CEP78: variants seen among roughly 807,000 people sequenced by gnomAD.
CEP78 encodes the protein centrosomal protein 78, also known as centrosomal protein of 78 kDa.
A neutral mutation model predicts 81.2 loss-of-function variants in CEP78; 76 were observed. That is an observed-to-expected ratio of 0.94 (90% CI 0.78 to 1.13). CEP78 has a LOEUF of 1.13. CEP78 is among the 50% of genes most tolerant of loss of function. The probability of loss-of-function intolerance (pLI) is 0.00; values close to 1 mark genes in which losing one functional copy is unlikely to be tolerated. For missense variants in CEP78, 918 were observed against 846.8 expected, an observed-to-expected ratio of 1.08 and a Z score of -1.04; for synonymous variants, 293 against 301.4, an observed-to-expected ratio of 0.97 and a Z score of 0.29.
At chr9:78,250,108 C>T in intron 8 of CEP78, 1 of 391,460 alleles carries the variant, frequency 2.6e-6, no homozygotes, top group Middle Eastern at 6.5e-4. Flanking sequence ...AATTGGACAT[C>T]ATTGAATGAG....
chr9:78,263,590 A>C (rs1309706340), intron 12 of CEP78, among the ~76,000 whole-genome samples: 1 of 152,162 alleles, frequency 6.6e-6, no homozygotes, highest in African/African-American at 2.4e-5. Flanking sequence ...GTATAAGGCA[A>C]AAGGTGCTTT....
intron 11 of CEP78, among the ~76,000 whole-genome samples, chr9:78,256,755 C>T (rs1206844610): frequency 6.6e-6 from 1 of 151,808 alleles, no homozygotes; most frequent in Non-Finnish European, 1.5e-5. Context: ...AAAAATATGT[C>T]CTGATAGGAC....
At chr9:78,257,383 G>T (rs1447934426) in intron 11 of CEP78, among the ~76,000 whole-genome samples, 1 of 152,128 alleles carries the variant, frequency 6.6e-6, no homozygotes, top group African/African-American at 2.4e-5. Flanking sequence ...GGACATTTTG[G>T]ACCTCCTGCG....
At chr9:78,246,631 A>G (rs1054616963) in intron 5 of CEP78, 38 bp from the exon 6 acceptor site, 6 of 1,310,332 alleles carry the variant, frequency 4.6e-6, no homozygotes, top group Admixed American at 4.2e-5. Flanking sequence ...AAAAATCTGT[A>G]TAGAATTAGC....
chr9:78,257,429 G>A (rs1275835543), intron 11 of CEP78, among the ~76,000 whole-genome samples: 4 of 152,050 alleles, frequency 2.6e-5, no homozygotes, highest in African/African-American at 9.7e-5. Context: ...ACATAGTCCC[G>A]CAAAATGAGG....
At chr9:78,250,063 T>C (rs890428770) in intron 8 of CEP78, 1 of 382,542 alleles carries the variant, frequency 2.6e-6, no homozygotes, top group Non-Finnish European at 4.6e-6. Context: ...TATAAAACAT[T>C]AGAAATTCTA....
At chr9:78,269,204 C>G (rs1827638235) in intron 16 of CEP78, among the ~76,000 whole-genome samples, 1 of 151,944 alleles carries the variant, frequency 6.6e-6, no homozygotes, top group Non-Finnish European at 1.5e-5. Flanking sequence ...CTTATTTTGG[C>G]AATTAAATAA....
intron 8 of CEP78, chr9:78,249,719 T>C (rs1433706368): frequency 6.6e-6 from 1 of 152,082 alleles, no homozygotes; most frequent in Non-Finnish European, 1.5e-5. Context: ...CTTTTTTTAC[T>C]GATAAGAATG....
intron 5 of CEP78, among the ~76,000 whole-genome samples, chr9:78,245,483 C>T (rs1301490500): frequency 6.6e-6 from 1 of 152,148 alleles, no homozygotes; most frequent in Non-Finnish European, 1.5e-5. Flanking sequence ...TCAAAGGCCC[C>T]AATTCCTAAT....
chr9:78,238,820 C>T (rs910248194), intron 1 of CEP78, among the ~76,000 whole-genome samples: 2 of 151,974 alleles, frequency 1.3e-5, no homozygotes, highest in Non-Finnish European at 2.9e-5. Context: ...TTTGGGAGGC[C>T]AGGAGTTTGT....
chr9:78,246,684 AGTGC>A lies in CEP78; in HGVS notation c.796_799del (p.Cys266AlafsTer11). 1 of 1,604,286 alleles carries A rather than the reference AGTGC, an allele frequency of 6.2e-7. No individual in the cohort carries two copies. The highest frequency in any genetic ancestry group is 8.5e-7 in the Non-Finnish European group (1 of 1,175,890). On this transcript the variant is annotated frameshift_variant, in exon 6 of 17. Transcript: ENST00000643273. LOFTEE classifies it high-confidence loss of function. The stretch of plus-strand genomic sequence containing the variant: ...TCATCGAAAGCTCTTGACCTGCAAC[AGTGC>A]GGCCTCACCAATGAAGGAGCAAAGG...
intron 4 of CEP78, among the ~76,000 whole-genome samples, chr9:78,242,888 A>T (rs1176710075): frequency 3.9e-5 from 6 of 152,184 alleles, no homozygotes; most frequent in African/African-American, 1.4e-4. Context: ...TGGTGTGCAT[A>T]CCCTAAGAAA....
At chr9:78,236,643 G>A in intron 1 of CEP78, 40 bp downstream of exon 1, 1 of 1,513,144 alleles carries the variant, frequency 6.6e-7, no homozygotes, top group Non-Finnish European at 8.8e-7. Context: ...AGTCGGTGCG[G>A]CGAAGTGGGT....
rs76604331 is a variant in CEP78, at chr9:78,256,805, A to G, written c.1380+1841A>G. Among the ~76,000 whole-genome samples, 597 of 151,998 alleles carry G rather than the reference A, an allele frequency of 3.9e-3. 5 individuals carry two copies. The highest frequency in any genetic ancestry group is 0.014 in the African/African-American group (567 of 41,520). On this transcript the variant is annotated intron_variant, in intron 11 of 16. Coordinates refer to ENST00000643273, the MANE Select transcript of CEP78 (RefSeq NM_001330691.3). ...AGAACAAAAATACTTTAAGAAAAAA[A>G]CTCTACTTAACATCCTTAGGTTTGT...
Position 78,248,273 on chromosome 9 carries a change from AT to A in CEP78, c.893-13del, listed in dbSNP as rs1563983495. 1 of 1,399,692 alleles carries A rather than the reference AT, an allele frequency of 7.1e-7. No homozygotes were observed. Among genetic ancestry groups the A allele is most frequent in the South Asian group, 1.2e-5 (1 of 83,872 alleles). The allele number at this position is 1,399,692 out of a possible 1,614,324, so 86.7% of individuals were successfully genotyped here. A position where few individuals can be genotyped will look rare whatever the true frequency, so the allele number is the denominator to read the frequency against. ...TTGGGAAATAATTACTATAATTTCA[AT>A]TTTTATTTTACTTTAGATCATTCTA... On this transcript the variant is annotated splice_polypyrimidine_tract_variant and intron_variant, in intron 6 of 16. Transcript: ENST00000643273.
rs1347557723 is a variant in CEP78, at chr9:78,265,368, C to T, written c.1626-4C>T. 4 of 1,575,108 alleles carry T rather than the reference C, an allele frequency of 2.5e-6. No homozygotes were observed. The African/African-American group carries it at 5.5e-5, about 22-fold the overall frequency. ...CCTTTTCCTCCTTTTCTTCTCTCGA[C>T]CAGGCTTGGGCAGCTTGCCACAATG... On this transcript the variant is annotated splice_region_variant and splice_polypyrimidine_tract_variant and intron_variant, in intron 13 of 16. Transcript: ENST00000643273.
chr9:78,277,713 A>G lies in CEP78; in HGVS notation c.*6862A>G, dbSNP rs1206267452. 6.6e-6 allele frequency: 1 copy of G among 152,188 alleles called. No individual in the cohort carries two copies. Among genetic ancestry groups the G allele is most frequent in the African/African-American group, 2.4e-5 (1 of 41,458 alleles). 9.4% of individuals were successfully genotyped at this position (152,188 alleles called of 1,614,324 possible). On this transcript the variant is annotated 3_prime_UTR_variant, in exon 17 of 17. Coordinates refer to ENST00000643273, the MANE Select transcript of CEP78 (RefSeq NM_001330691.3). ...TCTCCAGCCTTTGATCTAATGACTA[A>G]TTTTAGGCATCCAGCCTGAAGAAAT...
intron 13 of CEP78, 126 bp downstream of exon 13, chr9:78,264,442 G>C (rs1827420971): frequency 7.8e-6 from 5 of 639,984 alleles, no homozygotes; most frequent in Middle Eastern, 8.3e-4. Flanking sequence ...TAATACACTT[G>C]ATTTTTTAAA....
At chr9:78,267,701 A>G (rs17064272) in intron 16 of CEP78, among the ~76,000 whole-genome samples, 6,751 of 152,262 alleles carry the variant, frequency 0.044, 255 homozygotes, top group Admixed American at 0.14. Context: ...AAAAAAGCCA[A>G]TGAACACTAT....
Sources: allele counts gnomAD v4.1 joint callset (sites outside exome capture counted in the v4.1 genomes callset), GRCh38; gene constraint gnomAD v4.1.1; transcripts MANE v1.5; gene names NCBI Gene and HGNC (gene_info 2026-07-23, HGNC 2026-07-21).